Variants in A4GNT observed in about 807,000 individuals in gnomAD.
The protein encoded by A4GNT is alpha-1,4-N-acetylglucosaminyltransferase.
A neutral mutation model predicts 8.3 loss-of-function variants in A4GNT; 6 were observed. The ratio of observed to expected loss-of-function variants is 0.72; its 90% CI spans 0.39 to 1.42. The LOEUF is 1.42. Ranked by LOEUF, A4GNT falls within the 40% of genes most tolerant of loss-of-function variation. A4GNT has a pLI of 0.02. For missense variants in A4GNT, 377 were observed against 417.0 expected (o/e 0.90, Z 0.84); for synonymous variants, 157 against 159.8 (o/e 0.98, Z 0.13).
intron 2 of A4GNT, among the ~76,000 whole-genome samples, chr3:138,127,377 C>T (rs2042752031): frequency 6.6e-6 from 1 of 151,632 alleles, no homozygotes. Context: ...AGATCGAGAC[C>T]ATCCTGGCCA....
chr3:138,124,486 C>T lies in A4GNT; in HGVS notation c.801G>A (p.Glu267=). Residue 267 remains glutamate, a synonymous_variant, in exon 3 of 3, where the codon GAG becomes GAA. Coordinates refer to ENST00000236709, the MANE Select transcript of A4GNT (RefSeq NM_016161.3). ...CCCACACTTCATAGTAGCGCCTCCA[C>T]TCTCGATAGGAGATGGGGTAAAATC... ...PQRFYPISYR[E]WRRYYEVWDT... is the part of the protein sequence containing the mutation. The T allele has an allele frequency of 6.2e-7, 1 of 1,614,246 alleles. No homozygotes were observed. Among genetic ancestry groups the T allele is most frequent in the South Asian group, 1.1e-5 (1 of 91,084 alleles).
intron 2 of A4GNT, among the ~76,000 whole-genome samples, chr3:138,127,973 G>A (rs1437477540): frequency 6.6e-6 from 1 of 152,162 alleles, no homozygotes; most frequent in Non-Finnish European, 1.5e-5. Context: ...ATCCAACATA[G>A]TAAAATTAAG....
At chr3:138,127,498 C>A (rs1020437051) in intron 2 of A4GNT, among the ~76,000 whole-genome samples, 1 of 150,822 alleles carries the variant, frequency 6.6e-6, no homozygotes, top group Non-Finnish European at 1.5e-5. Flanking sequence ...CGCTTGAACC[C>A]GGGAAGCGGA....
chr3:138,127,136 A>G (rs1050257139), intron 2 of A4GNT, among the ~76,000 whole-genome samples: 1 of 151,684 alleles, frequency 6.6e-6, no homozygotes, highest in Admixed American at 6.6e-5. Context: ...AAAAAAAAAA[A>G]AAAACAATAA....
Position 138,130,947 on chromosome 3 carries a change from C to T in A4GNT, c.310G>A (p.Ala104Thr). 6.2e-7 allele frequency: 1 copy of T among 1,614,078 alleles called. No individual in the cohort carries two copies. Residue 104 changes from alanine to threonine, a missense_variant, in exon 2 of 3, where the codon GCT becomes ACT. Coordinates refer to ENST00000236709, the MANE Select transcript of A4GNT (RefSeq NM_016161.3). ...TCTATTGCTGACAGGAAGGAAAAAG[C>T]TGGGTATGTGGAGTTTGAGGGCATC... ...TPMPSNSTYP[A>T]FSFLSAIDNV...
rs150987818 is a variant in A4GNT at position 138,131,197 on chromosome 3, G to A, written c.60C>T (p.Leu20=). The change falls in exon 2 of 3, where the codon CTC becomes CTT. Residue 20 remains leucine, a synonymous_variant. Transcript: ENST00000236709. ...AGCTGGACTTCAGGGTGAACTGGTA[G>A]AGGAAGCCACAGACAAGCAGCAAGG... is the stretch of plus-strand genomic sequence containing the variant. ...SVTLLLVCGF[L]YQFTLKSSCL... 2.7e-5 allele frequency: 43 copies of A among 1,610,678 alleles called. No homozygotes were observed. The highest frequency in any genetic ancestry group is 5.0e-5 in the Admixed American group (3 of 59,922).
intron 2 of A4GNT, among the ~76,000 whole-genome samples, chr3:138,127,063 C>T (rs1468355746): frequency 1.6e-5 from 2 of 123,994 alleles, no homozygotes; most frequent in Non-Finnish European, 3.2e-5. Context: ...ACCTGGGAGG[C>T]GGAGGATGCA....
rs1208988077 is a variant in A4GNT at position 138,124,168 on chromosome 3, C to G, written c.*96G>C. ...CTGACATTTGAGAGGCAACCCTCTG[C>G]CCACCCCGCCAAGAGACAGTGGAGA... On this transcript the variant is annotated 3_prime_UTR_variant, in exon 3 of 3. Coordinates refer to ENST00000236709, the MANE Select transcript of A4GNT (RefSeq NM_016161.3). 1 of 1,494,670 alleles carries G rather than the reference C, an allele frequency of 6.7e-7. No homozygotes were observed. Among genetic ancestry groups the G allele is most frequent in the Non-Finnish European group, 9.0e-7 (1 of 1,115,076 alleles). 92.6% of individuals were successfully genotyped at this position (1,494,670 alleles called of 1,614,324 possible). A position where few individuals can be genotyped will look rare whatever the true frequency, so the allele number is the denominator to read the frequency against.
chr3:138,129,344 CAGAG>C (rs1221034065), intron 2 of A4GNT, among the ~76,000 whole-genome samples: 1 of 152,010 alleles, frequency 6.6e-6, no homozygotes, highest in African/African-American at 2.4e-5. Flanking sequence ...AATGGATAGA[CAGAG>C]GGAGATTTTA....
intron 2 of A4GNT, among the ~76,000 whole-genome samples, chr3:138,128,684 A>G (rs2042760005): frequency 1.3e-5 from 2 of 152,124 alleles, no homozygotes. Context: ...AGTCTAGCCC[A>G]GGCATCAGGA....
chr3:138,131,846 A>G (rs1200190510), intron 1 of A4GNT, among the ~76,000 whole-genome samples: 1 of 152,206 alleles, frequency 6.6e-6, no homozygotes, highest in East Asian at 1.9e-4. Context: ...AATGTCTACC[A>G]GAACATATAG....
intron 2 of A4GNT, among the ~76,000 whole-genome samples, chr3:138,126,853 G>T (rs1277351697): frequency 6.7e-6 from 1 of 149,824 alleles, no homozygotes; most frequent in Admixed American, 6.7e-5. Context: ...AAAATAAGCC[G>T]GGCGTGGGTG....
rs1355818352 is a variant in A4GNT at position 138,131,119 on chromosome 3, C to G, written c.138G>C (p.Leu46=). 2 of 1,613,624 alleles carry G rather than the reference C, an allele frequency of 1.2e-6. No homozygotes were observed. Among genetic ancestry groups the G allele is most frequent in the Non-Finnish European group, 1.7e-6 (2 of 1,179,720 alleles). Residue 46 remains leucine, a synonymous_variant, in exon 2 of 3, where the codon CTG becomes CTC. Coordinates refer to ENST00000236709, the MANE Select transcript of A4GNT (RefSeq NM_016161.3). Reference sequence around the variant, plus strand: ...GAAACACAATGCCACGTCTGTGGCTCAGGAGGGCTTCCAGCCCCTGGTGGG... The same window carrying G: ...GAAACACAATGCCACGTCTGTGGCTGAGGAGGGCTTCCAGCCCCTGGTGGG... ...FKSHQGLEAL[L]SHRRGIVFLE...
chr3:138,126,835 T>A (rs1356323746), intron 2 of A4GNT, among the ~76,000 whole-genome samples: 13 of 137,542 alleles, frequency 9.5e-5, no homozygotes, highest in African/African-American at 3.3e-4. Flanking sequence ...TCAAAAAAAA[T>A]AAAAATAAAA....
At position 138,124,135 on chromosome 3, in the gene A4GNT, A is replaced by G. The variant is rs1356138322; in HGVS notation, c.*129T>C. Reference sequence around the variant, plus strand: ...TTTTCTATTACAGACAGAGAAAGCTAATCCTAACTGACATTTGAGAGGCAA... The same window carrying G: ...TTTTCTATTACAGACAGAGAAAGCTGATCCTAACTGACATTTGAGAGGCAA... On this transcript the variant is annotated 3_prime_UTR_variant, in exon 3 of 3. Transcript: ENST00000236709. 3 of 1,273,218 alleles carry G rather than the reference A, an allele frequency of 2.4e-6. No individual in the cohort carries two copies. The highest frequency in any genetic ancestry group is 3.2e-6 in the Non-Finnish European group (3 of 926,426). The allele number at this position is 1,273,218 out of a possible 1,614,324, so 78.9% of individuals were successfully genotyped here.
chr3:138,129,743 C>A (rs2042765366), intron 2 of A4GNT, among the ~76,000 whole-genome samples: 1 of 152,118 alleles, frequency 6.6e-6, no homozygotes, highest in Non-Finnish European at 1.5e-5. Context: ...TTGCTACAGC[C>A]TATGATTAGA....
chr3:138,124,211 A>T lies in A4GNT; in HGVS notation c.*53T>A. On this transcript the variant is annotated 3_prime_UTR_variant, in exon 3 of 3. Coordinates refer to ENST00000236709, the MANE Select transcript of A4GNT (RefSeq NM_016161.3). ...AGTGGAGATCAAGTGAAAATGTGGC[A>T]CTCCAGGAAATGTCCATTTCCACAC... The T allele has an allele frequency of 1.9e-6, 3 of 1,559,606 alleles. No homozygotes were observed. The highest frequency in any genetic ancestry group is 2.6e-6 in the Non-Finnish European group (3 of 1,151,586).
Position 138,124,219 on chromosome 3 carries a change from A to T in A4GNT, c.*45T>A. 6.4e-7 allele frequency: 1 copy of T among 1,572,054 alleles called. No individual in the cohort carries two copies. The highest frequency in any genetic ancestry group is 8.6e-7 in the Non-Finnish European group (1 of 1,156,948). On this transcript the variant is annotated 3_prime_UTR_variant, in exon 3 of 3. Coordinates refer to ENST00000236709, the MANE Select transcript of A4GNT (RefSeq NM_016161.3). The stretch of plus-strand genomic sequence containing the variant: ...TCAAGTGAAAATGTGGCACTCCAGG[A>T]AATGTCCATTTCCACACTGCAGCAG...
At chr3:138,126,249 G>A (rs2042744055) in intron 2 of A4GNT, among the ~76,000 whole-genome samples, 1 of 152,016 alleles carries the variant, frequency 6.6e-6, no homozygotes, top group Non-Finnish European at 1.5e-5. Context: ...AGTCACAGAT[G>A]ACTGCAAAGG....
Sources: gnomAD v4.1 joint callset for allele counts (sites outside exome capture counted in the v4.1 genomes callset) on GRCh38, gnomAD v4.1.1 for gene constraint, MANE v1.5 for transcripts, NCBI Gene and HGNC (gene_info 2026-07-23, HGNC 2026-07-21) for gene names.